The following RIN2 variants were observed in gnomAD, a reference collection of about 807,000 sequenced individuals.
The protein encoded by RIN2 is RAB5 interacting protein 2.
Under a neutral mutation model 78.0 loss-of-function variants are expected in RIN2, and 36 were observed. The ratio of observed to expected loss-of-function variants is 0.46; its 90% CI spans 0.35 to 0.61. The LOEUF is 0.61. Ranked by LOEUF, RIN2 falls within the 20% of genes least tolerant of loss-of-function variation. RIN2 has a pLI of 0.00. For synonymous variants in RIN2, 466 were observed against 466.8 expected, an observed-to-expected ratio of 1.00 and a Z score of 0.02; for missense variants, 1,087 against 1,159.7, an observed-to-expected ratio of 0.94 and a Z score of 0.91.
chr20:19,961,833 A>G (rs562639609), intron 6 of RIN2, among the ~76,000 whole-genome samples: 4 of 152,148 alleles, frequency 2.6e-5, no homozygotes, highest in Non-Finnish European at 5.9e-5. Flanking sequence ...AAAGGCGCAC[A>G]AGCAGGCGGA....
intron 3 of RIN2, among the ~76,000 whole-genome samples, chr20:19,930,986 T>C (rs1336264973): frequency 6.6e-6 from 1 of 152,146 alleles, no homozygotes; most frequent in Non-Finnish European, 1.5e-5. Flanking sequence ...CGGTGGTGCC[T>C]ATCTGCAATC....
chr20:19,984,502 C>T (rs1457096309), intron 9 of RIN2, among the ~76,000 whole-genome samples: 2 of 152,188 alleles, frequency 1.3e-5, no homozygotes, highest in Non-Finnish European at 2.9e-5. Flanking sequence ...CGTGGTGGCT[C>T]ATACCTGTAA....
intron 8 of RIN2, among the ~76,000 whole-genome samples, chr20:19,971,468 G>A (rs998365439): frequency 6.6e-6 from 1 of 152,100 alleles, no homozygotes. Flanking sequence ...CCACTTTAAC[G>A]TCTTTTCCCC....
intron 2 of RIN2, among the ~76,000 whole-genome samples, chr20:19,853,451 T>C (rs1036877912): frequency 9.8e-5 from 15 of 152,338 alleles, no homozygotes; most frequent in South Asian, 2.1e-4. Context: ...CCTTGAGGAA[T>C]CACCACACTG....
chr20:19,825,609 C>T (rs931968368), intron 2 of RIN2, among the ~76,000 whole-genome samples: 8 of 152,180 alleles, frequency 5.3e-5, no homozygotes, highest in Admixed American at 1.3e-4. Flanking sequence ...TTAAGCTGAG[C>T]CCTTCATTCT....
chr20:19,798,708 T>C (rs2035146662), intron 1 of RIN2, among the ~76,000 whole-genome samples: 1 of 152,048 alleles, frequency 6.6e-6, no homozygotes, highest in Non-Finnish European at 1.5e-5. Flanking sequence ...TGGAAAGATA[T>C]AATTTAAATT....
At chr20:19,963,855 CTTTTTTTTTTT>C (rs869033357) in intron 6 of RIN2, among the ~76,000 whole-genome samples, 14 of 86,618 alleles carry the variant, frequency 1.6e-4, no homozygotes, top group Admixed American at 1.4e-3. Context: ...CAGTATGTGT[CTTTTTTTTTTT>C]TTTTTTTTTT....
At chr20:19,931,825 C>G (rs1035559657) in intron 3 of RIN2, among the ~76,000 whole-genome samples, 4 of 150,014 alleles carry the variant, frequency 2.7e-5, no homozygotes, top group Admixed American at 6.7e-5. Context: ...GCATTTTATA[C>G]TCAATTAATG....
chr20:19,970,256 C>A (rs1164367454), intron 7 of RIN2, among the ~76,000 whole-genome samples: 1 of 152,218 alleles, frequency 6.6e-6, no homozygotes, highest in East Asian at 1.9e-4. Flanking sequence ...TATAACAAGA[C>A]CCTGGGTATC....
intron 2 of RIN2, among the ~76,000 whole-genome samples, chr20:19,888,808 A>C (rs1156837473): frequency 6.6e-6 from 1 of 152,214 alleles, no homozygotes; most frequent in African/African-American, 2.4e-5. Flanking sequence ...TTAACTTAGA[A>C]CTGAATGTTG....
chr20:19,860,634 A>G (rs2037306139), intron 2 of RIN2, among the ~76,000 whole-genome samples: 1 of 152,106 alleles, frequency 6.6e-6, no homozygotes, highest in East Asian at 1.9e-4. Context: ...GTTAATTCTA[A>G]GCTAATTTTC....
At chr20:19,835,110 A>G (rs200714379) in intron 2 of RIN2, among the ~76,000 whole-genome samples, 1 of 116,814 alleles carries the variant, frequency 8.6e-6, no homozygotes, top group African/African-American at 2.9e-5. Context: ...GAAAGAAAGA[A>G]AGAGGGAGGA....
At chr20:19,940,399 G>A (rs897385071) in intron 4 of RIN2, among the ~76,000 whole-genome samples, 1 of 152,226 alleles carries the variant, frequency 6.6e-6, no homozygotes, top group African/African-American at 2.4e-5. Flanking sequence ...AGTTGAAAAT[G>A]TGTGACAGGC....
intron 9 of RIN2, among the ~76,000 whole-genome samples, chr20:19,988,901 T>TCACACA (rs140660499): frequency 1.3e-5 from 2 of 149,404 alleles, no homozygotes; most frequent in Non-Finnish European, 3.0e-5. Context: ...TTCTCTCTCT[T>TCACACA]CACACACACA....
chr20:19,899,934 G>A, intron 3 of RIN2, among the ~76,000 whole-genome samples: 1 of 152,138 alleles, frequency 6.6e-6, no homozygotes, highest in African/African-American at 2.4e-5. Context: ...GCGCAACATA[G>A]AAAAACAGCT....
intron 1 of RIN2, among the ~76,000 whole-genome samples, chr20:19,763,340 A>G (rs886358871): frequency 6.6e-6 from 1 of 152,144 alleles, no homozygotes; most frequent in Non-Finnish European, 1.5e-5. Context: ...GTGAGCCAGG[A>G]TCACTCCATT....
At chr20:19,869,890 C>T (rs1338558758) in intron 2 of RIN2, among the ~76,000 whole-genome samples, 1 of 151,878 alleles carries the variant, frequency 6.6e-6, no homozygotes, top group Non-Finnish European at 1.5e-5. Flanking sequence ...CCAAGCAATT[C>T]TCCCGCCTGG....
chr20:19,924,362 C>CCACCTTCATACCCT (rs2040096213), intron 3 of RIN2, among the ~76,000 whole-genome samples: 2 of 30,856 alleles, frequency 6.5e-5, no homozygotes, highest in Non-Finnish European at 1.3e-4. Flanking sequence ...CTTCATACCC[C>CCACCTTCATACCCT]CACCTTCATA....
At chr20:19,851,647 A>G (rs1327392639) in intron 2 of RIN2, among the ~76,000 whole-genome samples, 2 of 152,052 alleles carry the variant, frequency 1.3e-5, no homozygotes, top group Non-Finnish European at 2.9e-5. Flanking sequence ...GCTTAAGCCT[A>G]GGAGGTCGAG....
Sources: allele counts gnomAD v4.1 joint callset (sites outside exome capture counted in the v4.1 genomes callset), GRCh38; gene constraint gnomAD v4.1.1; transcripts MANE v1.5; gene names NCBI Gene and HGNC (gene_info 2026-07-23, HGNC 2026-07-21).